KCNQ5: variants seen among roughly 807,000 people sequenced by gnomAD.
KCNQ5 encodes the protein potassium voltage-gated channel subfamily KQT member 5.
A neutral mutation model predicts 98.2 loss-of-function variants in KCNQ5; 30 were observed. The ratio of observed to expected loss-of-function variants is 0.31; its 90% CI spans 0.23 to 0.41. The LOEUF is 0.41. Ranked by LOEUF, KCNQ5 falls within the 10% of genes least tolerant of loss-of-function variation. The pLI is 1.00. For missense variants in KCNQ5, 835 were observed against 1,182.5 expected (o/e 0.71, Z 4.31); for synonymous variants, 458 against 449.4 (o/e 1.02, Z -0.24).
At chr6:72,895,114 TAAAAAAAAAAAA>T (rs71540357) in intron 1 of KCNQ5, among the ~76,000 whole-genome samples, 1 of 89,268 alleles carries the variant, frequency 1.1e-5, no homozygotes, top group African/African-American at 4.5e-5. Context: ...CCATCTCTAC[TAAAAAAAAAAAA>T]AAAAAAAAAA....
intron 1 of KCNQ5, among the ~76,000 whole-genome samples, chr6:72,802,613 A>G (rs1774720413): frequency 6.6e-6 from 1 of 152,160 alleles, no homozygotes; most frequent in Non-Finnish European, 1.5e-5. Flanking sequence ...TTTTGGTAAC[A>G]TAGATCGTAA....
intron 9 of KCNQ5, chr6:73,125,342 G>C: frequency 2.0e-6 from 1 of 503,272 alleles, no homozygotes; most frequent in Non-Finnish European, 4.0e-6. Flanking sequence ...GCCTAGATTT[G>C]AGAGCAAAGC....
intron 1 of KCNQ5, among the ~76,000 whole-genome samples, chr6:72,636,546 C>A (rs1011524426): frequency 1.3e-5 from 2 of 152,158 alleles, no homozygotes; most frequent in African/African-American, 4.8e-5. Context: ...TCTCTCACAC[C>A]TGAATGAATC....
chr6:72,854,578 G>T (rs1417701646), intron 1 of KCNQ5, among the ~76,000 whole-genome samples: 2 of 151,714 alleles, frequency 1.3e-5, no homozygotes, highest in African/African-American at 2.4e-5. Flanking sequence ...TAAGTGTGAG[G>T]ATATGTTAAA....
At chr6:72,978,850 C>G (rs1020014533) in intron 1 of KCNQ5, among the ~76,000 whole-genome samples, 8 of 152,168 alleles carry the variant, frequency 5.3e-5, no homozygotes, top group African/African-American at 1.7e-4. Context: ...ACAACAGGCC[C>G]CAGTGTGTGA....
chr6:72,745,757 C>T (rs947632911), intron 1 of KCNQ5, among the ~76,000 whole-genome samples: 1 of 152,134 alleles, frequency 6.6e-6, no homozygotes, highest in Non-Finnish European at 1.5e-5. Context: ...TCTCACAGTA[C>T]TTGATGCCAG....
chr6:72,714,300 A>G (rs1356805522), intron 1 of KCNQ5, among the ~76,000 whole-genome samples: 1 of 152,134 alleles, frequency 6.6e-6, no homozygotes, highest in Non-Finnish European at 1.5e-5. Flanking sequence ...TCTCTAAAGC[A>G]TTGCCCATCA....
At chr6:73,125,086 A>C (rs1775923012) in intron 9 of KCNQ5, among the ~76,000 whole-genome samples, 1 of 145,096 alleles carries the variant, frequency 6.9e-6, no homozygotes, top group Admixed American at 7.0e-5. Flanking sequence ...AGATGAAACC[A>C]CCTCTCTGTG....
At chr6:72,777,443 C>A (rs1773216139) in intron 1 of KCNQ5, among the ~76,000 whole-genome samples, 1 of 151,940 alleles carries the variant, frequency 6.6e-6, no homozygotes, top group Non-Finnish European at 1.5e-5. Context: ...AAGGTGTTGG[C>A]CGAGGAGTCT....
intron 6 of KCNQ5, among the ~76,000 whole-genome samples, chr6:73,106,337 G>A (rs1002941141): frequency 1.3e-5 from 2 of 152,154 alleles, no homozygotes; most frequent in Non-Finnish European, 2.9e-5. Flanking sequence ...ATATGCTTGG[G>A]TACTAGACCT....
At chr6:72,967,992 T>C (rs1767700514) in intron 1 of KCNQ5, among the ~76,000 whole-genome samples, 1 of 152,166 alleles carries the variant, frequency 6.6e-6, no homozygotes, top group Non-Finnish European at 1.5e-5. Context: ...ACCCTCACTG[T>C]CTCTTCCTCA....
intron 5 of KCNQ5, among the ~76,000 whole-genome samples, chr6:73,088,843 C>T (rs908456840): frequency 6.6e-6 from 1 of 152,120 alleles, no homozygotes; most frequent in South Asian, 2.1e-4. Context: ...TTCCTTTTAC[C>T]TCAATCAATA....
At chr6:72,705,584 G>A (rs1582143535) in intron 1 of KCNQ5, among the ~76,000 whole-genome samples, 1 of 107,382 alleles carries the variant, frequency 9.3e-6, no homozygotes, top group South Asian at 3.1e-4. Flanking sequence ...TTTTGTTGTT[G>A]TTTTTGTTTT....
chr6:72,722,868 T>TTTTTTA (rs1770045050), intron 1 of KCNQ5, among the ~76,000 whole-genome samples: 2 of 150,378 alleles, frequency 1.3e-5, no homozygotes, highest in African/African-American at 4.9e-5. Flanking sequence ...TTTTTTTTTT[T>TTTTTTA]GAGACACGTC....
chr6:72,811,557 G>T (rs1250669497), intron 1 of KCNQ5, among the ~76,000 whole-genome samples: 1 of 152,134 alleles, frequency 6.6e-6, no homozygotes, highest in East Asian at 1.9e-4. Context: ...TCGTAAAAGA[G>T]TAAGAGACTC....
chr6:73,005,997 C>CA (rs143708449), intron 2 of KCNQ5, among the ~76,000 whole-genome samples: 8,089 of 152,136 alleles, frequency 0.053, 722 homozygotes, highest in African/African-American at 0.19. Context: ...TTTATCTGGA[C>CA]ACAAAAATTC....
intron 1 of KCNQ5, among the ~76,000 whole-genome samples, chr6:72,936,631 C>G (rs917542910): frequency 3.3e-5 from 5 of 152,070 alleles, no homozygotes; most frequent in African/African-American, 1.2e-4. Context: ...ATCATTTTTC[C>G]AATCTCTTAC....
chr6:73,025,263 G>C (rs1467102039), intron 2 of KCNQ5, among the ~76,000 whole-genome samples: 2 of 152,164 alleles, frequency 1.3e-5, no homozygotes, highest in Admixed American at 6.5e-5. Flanking sequence ...TGATGCTCTA[G>C]ATTTTCCAGC....
At chr6:73,005,176 T>C (rs1252439361) in intron 2 of KCNQ5, among the ~76,000 whole-genome samples, 2 of 152,202 alleles carry the variant, frequency 1.3e-5, no homozygotes, top group Non-Finnish European at 2.9e-5. Flanking sequence ...AGGTTACCGT[T>C]TCAAAGCCCA....
Sources: allele counts gnomAD v4.1 joint callset (sites outside exome capture counted in the v4.1 genomes callset), GRCh38; gene constraint gnomAD v4.1.1; transcripts MANE v1.5; gene names NCBI Gene and HGNC (gene_info 2026-07-23, HGNC 2026-07-21).